The following PLXNB3 variants were observed in gnomAD, a reference collection of about 807,000 sequenced individuals.
The protein encoded by PLXNB3 is plexin B3.
A neutral mutation model predicts 125.7 loss-of-function variants in PLXNB3; 80 were observed. The ratio of observed to expected loss-of-function variants is 0.64; its 90% CI spans 0.53 to 0.77. The LOEUF (loss-of-function observed/expected upper bound fraction) is 0.77, where lower values mean the gene tolerates loss of function less well. Among genes scored for constraint, PLXNB3 ranks in the 30% least tolerant of loss-of-function variants. The pLI is 0.00. For synonymous variants in PLXNB3, 954 were observed against 783.3 expected, an observed-to-expected ratio of 1.22 and a Z score of -3.64; for missense variants, 1,836 against 1,729.3, an observed-to-expected ratio of 1.06 and a Z score of -1.09.
In PLXNB3 at chrX:153,769,719, AGCTGGGCCGGCCTCCCC is replaced by A; in HGVS notation, c.1497-87_1497-71del. 3.0e-6 allele frequency: 3 copies of A among 1,005,500 alleles called. No individual in the cohort carries two copies. The South Asian group carries it at 6.9e-5, about 23-fold the overall frequency. 82.9% of individuals were successfully genotyped at this position (1,005,500 alleles called of 1,213,427 possible). Reference sequence around the variant, plus strand: ...TGCTCATTGCACCCCACTGCACTCCAGCTGGGCCGGCCTCCCCAGGCCCCTGTTGCCGGTCATCCTTG... The same window carrying A: ...TGCTCATTGCACCCCACTGCACTCCAAGGCCCCTGTTGCCGGTCATCCTTG... On this transcript the variant is annotated intron_variant, in intron 6 of 35. Coordinates refer to ENST00000361971, the MANE Select transcript of PLXNB3 (RefSeq NM_005393.3).
chrX:153,777,471 GCCGTGGATGGC>G, intron 30 of PLXNB3, 46 bp from the exon 31 acceptor site: 1 of 1,187,817 alleles, frequency 8.4e-7, no homozygotes, highest in Non-Finnish European at 1.1e-6. Flanking sequence ...GGCAGCCTCA[GCCGTGGATGGC>G]CCCCACACCC....
intron 29 of PLXNB3, 49 bp downstream of exon 29, chrX:153,777,029 G>A (rs1557064647): frequency 2.9e-6 from 3 of 1,022,485 alleles, no homozygotes; most frequent in South Asian, 2.1e-5. Flanking sequence ...AGGCTGGGCA[G>A]GCAGAACTCC....
intron 35 of PLXNB3, 69 bp from the exon 36 acceptor site, chrX:153,778,866 A>G (rs980210150): frequency 2.6e-5 from 29 of 1,110,056 alleles, no homozygotes; most frequent in Non-Finnish European, 3.4e-5. Context: ...TGATGGAAGC[A>G]GGGTGGGTGG....
At chrX:153,764,469 C>T (rs2091835952) in intron 1 of PLXNB3, among the ~76,000 whole-genome samples, 165 bp downstream of exon 1, 1 of 112,870 alleles carries the variant, frequency 8.9e-6, no homozygotes, top group Non-Finnish European at 1.9e-5. Context: ...AGCACGGTGT[C>T]CCCCAAGTGG....
At chrX:153,766,189 C>T (rs782595355) in intron 2 of PLXNB3, 1,019 of 1,137,417 alleles carry the variant, frequency 9.0e-4, no homozygotes, top group African/African-American at 1.4e-3. Flanking sequence ...AGTGCTTCCT[C>T]GCCCTGGAGC....
chrX:153,773,486 C>A, intron 18 of PLXNB3, 32 bp from the exon 19 acceptor site: 1 of 1,181,301 alleles, frequency 8.5e-7, no homozygotes. Flanking sequence ...TTGCCCACCG[C>A]CCGCCCACAC....
At position 153,772,885 on chromosome X, in the gene PLXNB3, G is replaced by C; in HGVS notation, c.2776-1G>C. 1 of 1,126,994 alleles carries C rather than the reference G, an allele frequency of 8.9e-7. No homozygotes were observed. The highest frequency in any genetic ancestry group is 1.2e-6 in the Non-Finnish European group (1 of 859,738). The allele number at this position is 1,126,994 out of a possible 1,213,427, so 92.9% of individuals were successfully genotyped here. On this transcript the variant is annotated splice_acceptor_variant, in intron 16 of 35. Coordinates refer to ENST00000361971, the MANE Select transcript of PLXNB3 (RefSeq NM_005393.3). LOFTEE classifies it high-confidence loss of function. ...CCTACCCAGCCTGCGCTGTTCGCCA[G>C]GACCCTGTCCTGCTGAGCCTGAGTC...
intron 26 of PLXNB3, 68 bp downstream of exon 26, chrX:153,775,728 G>A (rs2091978580): frequency 2.7e-6 from 3 of 1,099,443 alleles, no homozygotes; most frequent in East Asian, 6.1e-5. Flanking sequence ...CCATGAGGGG[G>A]CTACTGCCTG....
rs199599060 is a variant in PLXNB3 at position 153,776,447 on chromosome X, G to A, written c.4821G>A (p.Leu1607=). Residue 1607 remains leucine (L), a synonymous_variant, in exon 28 of 36, where the codon TTG becomes TTA. Coordinates refer to ENST00000361971, the MANE Select transcript of PLXNB3 (RefSeq NM_005393.3). ...ACCACTGGAAGAGACTCAACACCTT[G>A]CAACACTACAAGGTGTGAGCAGGGA... ...TQNHWKRLNT[L]QHYKVPDGAT... 134 of 1,015,847 alleles carry A rather than the reference G, an allele frequency of 1.3e-4. No homozygotes were observed. The highest frequency in any genetic ancestry group is 1.8e-4 in the Non-Finnish European group (131 of 746,880). 83.7% of individuals were successfully genotyped at this position (1,015,847 alleles called of 1,213,427 possible). A position where few individuals can be genotyped will look rare whatever the true frequency, so the allele number is the denominator to read the frequency against.
At position 153,770,323 on chromosome X, in the gene PLXNB3, A is replaced by C. The variant is rs782380341; in HGVS notation, c.1787-15A>C. On this transcript the variant is annotated splice_polypyrimidine_tract_variant and intron_variant, in intron 8 of 35. Coordinates refer to ENST00000361971, the MANE Select transcript of PLXNB3 (RefSeq NM_005393.3). ...GAGCCACCTGACCTGTCCTGCCCCC[A>C]CTGTCCCCTCCCAGACCACGTCACT... is the stretch of plus-strand genomic sequence containing the variant. 3.3e-6 allele frequency: 4 copies of C among 1,204,870 alleles called. No homozygotes were observed. In the South Asian group the frequency reaches 5.3e-5, roughly 16 times the overall value.
At position 153,776,015 on chromosome X, in the gene PLXNB3, C is replaced by T. The variant is rs1557063958; in HGVS notation, c.4530C>T (p.Asp1510=). The T allele has an allele frequency of 3.3e-6, 4 of 1,205,565 alleles. No homozygotes were observed. The highest frequency in any genetic ancestry group is 4.5e-6 in the Non-Finnish European group (4 of 893,010). Residue 1510 remains aspartate (D), a synonymous_variant, in exon 27 of 36, where the codon GAC becomes GAT. Coordinates refer to ENST00000361971, the MANE Select transcript of PLXNB3 (RefSeq NM_005393.3). ...ATGATAGCCGCTTGCTGCGGGAGGACGTGGAGTTCCAGCCCCTGACGCTGA... is the reference window on the plus strand; with the variant it reads ...ATGATAGCCGCTTGCTGCGGGAGGATGTGGAGTTCCAGCCCCTGACGCTGA... ...TLNDSRLLRE[D]VEFQPLTLMV...
At position 153,772,289 on chromosome X, in the gene PLXNB3, T is replaced by A; in HGVS notation, c.2775+2T>A. 1 of 1,174,212 alleles carries A rather than the reference T, an allele frequency of 8.5e-7. No homozygotes were observed. The highest frequency in any genetic ancestry group is 1.2e-6 in the Non-Finnish European group (1 of 864,124). The stretch of plus-strand genomic sequence containing the variant: ...TCAAGCCAGCACTTCACCTACCAGG[T>A]CAGTGGCCTCCCAGGTGTGCCCTAC... On this transcript the variant is annotated splice_donor_variant, in intron 16 of 35. Transcript: ENST00000361971. LOFTEE classifies it high-confidence loss of function.
intron 2 of PLXNB3, chrX:153,766,576 G>A (rs1304710677): frequency 2.9e-6 from 3 of 1,044,532 alleles, no homozygotes; most frequent in African/African-American, 3.9e-5. Context: ...CAATCTACAT[G>A]CATATAAAGT....
rs1557061589 is a variant in PLXNB3 at position 153,770,900 on chromosome X, G to A, written c.2136+17G>A. The stretch of plus-strand genomic sequence containing the variant: ...CATTTCCGAGTGAGCCATCAGGAGG[G>A]AAGGGGACAGGGCAGTGAGGTCTGC... On this transcript the variant is annotated intron_variant, in intron 11 of 35. Transcript: ENST00000361971. 8 of 1,204,481 alleles carry A rather than the reference G, an allele frequency of 6.6e-6. No individual in the cohort carries two copies. Among genetic ancestry groups the A allele is most frequent in the Non-Finnish European group, 7.9e-6 (7 of 890,550 alleles).
Position 153,774,979 on chromosome X carries a change from G to A in PLXNB3, c.4031G>A (p.Gly1344Asp), listed in dbSNP as rs1171592133. 5.8e-6 allele frequency: 7 copies of A among 1,198,665 alleles called. No homozygotes were observed. Among genetic ancestry groups the A allele is most frequent in the Non-Finnish European group, 7.9e-6 (7 of 888,759 alleles). Residue 1344 changes from glycine to aspartate, a missense_variant, in exon 24 of 36, where the codon GGC becomes GAC. Gly to Asp is a moderately conservative substitution (Grantham distance 94, BLOSUM62 -1). Coordinates refer to ENST00000361971, the MANE Select transcript of PLXNB3 (RefSeq NM_005393.3). ...TACGCCGAGCGCGCCTTCTTCCCTGGCCATGGCGGTTGCCCGCTGCAGCCC... is the reference window on the plus strand; with the variant it reads ...TACGCCGAGCGCGCCTTCTTCCCTGACCATGGCGGTTGCCCGCTGCAGCCC... ...RTYAERAFFP[G>D]HGGCPLQPKP...
chrX:153,769,529 G>A lies in PLXNB3; in HGVS notation c.1496+267G>A, dbSNP rs1271583420. On this transcript the variant is annotated intron_variant, in intron 6 of 35. Coordinates refer to ENST00000361971, the MANE Select transcript of PLXNB3 (RefSeq NM_005393.3). ...AACCCCACACAGCTGTCCTCCAGCC[G>A]GTGCTCCACACGGCAGCCCCTGGAA... 6.2e-5 allele frequency among the ~76,000 whole-genome samples: 7 copies of A among 112,763 alleles called. No individual in the cohort carries two copies. In the East Asian group the frequency reaches 2.0e-3, roughly 32 times the overall value.
chrX:153,777,400 C>G lies in PLXNB3; in HGVS notation c.5100+20C>G, dbSNP rs782606603. 1 of 1,186,146 alleles carries G rather than the reference C, an allele frequency of 8.4e-7. No individual in the cohort carries two copies. Among genetic ancestry groups the G allele is most frequent in the Non-Finnish European group, 1.1e-6 (1 of 878,781 alleles). ...ATGAAGGTTGGTGCGGCCTGGGTGG[C>G]TGGGCCTGAGAGGAGGCTCAGCCAG... is the stretch of plus-strand genomic sequence containing the variant. On this transcript the variant is annotated intron_variant, in intron 30 of 35. Transcript: ENST00000361971.
At chrX:153,766,166 G>C (rs781990912) in intron 2 of PLXNB3, 1 of 1,118,622 alleles carries the variant, frequency 8.9e-7, no homozygotes, top group Non-Finnish European at 1.2e-6. Context: ...CAGCACCCCC[G>C]CTGCCTTGCC....
Position 153,772,007 on chromosome X carries a change from G to T in PLXNB3, c.2661G>T (p.Thr887=), listed in dbSNP as rs150598678. The change falls in exon 15 of 36, where the codon ACG becomes ACT. Residue 887 remains threonine, a synonymous_variant. Transcript: ENST00000361971. The part of the protein sequence containing the change: ...PCNPEPSLYR[T]SARIVCVTSP... ...ACCCTGAGCCCTCTCTCTACCGCAC[G>T]TCGGCCCGGTGAGGCACTTGGAGGG... The T allele has an allele frequency of 1.7e-6, 2 of 1,192,016 alleles. No individual in the cohort carries two copies. Among genetic ancestry groups the T allele is most frequent in the Non-Finnish European group, 1.1e-6 (1 of 884,578 alleles).
Sources: gnomAD v4.1 joint callset for allele counts (sites outside exome capture counted in the v4.1 genomes callset) on GRCh38, gnomAD v4.1.1 for gene constraint, MANE v1.5 for transcripts, NCBI Gene and HGNC (gene_info 2026-07-23, HGNC 2026-07-21) for gene names.